ANO1: variants seen among roughly 807,000 people sequenced by gnomAD.
ANO1 encodes the protein anoctamin-1.
ANO1 carries 59 observed loss-of-function variants against 124.0 expected under a neutral mutation model. The observed-to-expected ratio is 0.48, with a 90% CI of 0.39 to 0.59. The LOEUF (loss-of-function observed/expected upper bound fraction) is 0.59, where lower values mean the gene tolerates loss of function less well. Among genes scored for constraint, ANO1 ranks in the 20% least tolerant of loss-of-function variants. ANO1 has a pLI of 0.00. For synonymous variants in ANO1, 529 were observed against 532.0 expected, an observed-to-expected ratio of 0.99 and a Z score of 0.08; for missense variants, 1,059 against 1,328.0, an observed-to-expected ratio of 0.80 and a Z score of 3.15.
chr11:70,096,867 T>A (rs538789972), intron 2 of ANO1, among the ~76,000 whole-genome samples: 8 of 150,888 alleles, frequency 5.3e-5, no homozygotes, highest in Admixed American at 6.6e-5. Flanking sequence ...TCTCAAAAAA[T>A]AATAATAATA....
chr11:69,982,024 G>T (rs891398798), upstream of ANO1, among the ~76,000 whole-genome samples: 2 of 152,184 alleles, frequency 1.3e-5, no homozygotes, highest in East Asian at 3.9e-4. Context: ...GCCAGGGACT[G>T]GGGGAGGGGG....
Position 70,095,350 on chromosome 11 carries a change from GAA to G in ANO1, c.441+7268_441+7269del, listed in dbSNP as rs770046555. On this transcript the variant is annotated intron_variant, in intron 2 of 25. Coordinates refer to ENST00000355303, the MANE Select transcript of ANO1 (RefSeq NM_018043.7). ...GAAAGAAAGGAAAGAGAAAGAAAAA[GAA>G]AGAAAGAAAGAAAGAAAGAAAGAAA... Among the ~76,000 whole-genome samples the G allele has an allele frequency of 7.6e-3, 116 of 15,268 alleles. 5 individuals carry two copies. The highest frequency in any genetic ancestry group is 0.04 in the African/African-American group (100 of 2,490). The allele number at this position is 15,268 out of a possible 152,430, so 10.0% of individuals were successfully genotyped here.
intron 1 of ANO1, among the ~76,000 whole-genome samples, chr11:70,081,295 A>G (rs1439815154): frequency 6.6e-6 from 1 of 152,166 alleles, no homozygotes; most frequent in Non-Finnish European, 1.5e-5. Flanking sequence ...GTGGTTGTCC[A>G]TGGTCTGGGA....
chr11:70,156,962 C>G lies in ANO1; in HGVS notation c.1519C>G (p.Leu507Val). 1 of 1,613,644 alleles carries G rather than the reference C, an allele frequency of 6.2e-7. No homozygotes were observed. Among genetic ancestry groups the G allele is most frequent in the Non-Finnish European group, 8.5e-7 (1 of 1,179,776 alleles). Residue 507 changes from leucine to valine, a missense_variant, in exon 16 of 26, where the codon CTG becomes GTG. Leu to Val is a conservative substitution (Grantham distance 32). Around this residue, in one of 2 missense-constraint regions of ANO1, gnomAD observed 809 missense variants for 1,094.9 expected, o/e 0.74. Coordinates refer to ENST00000355303, the MANE Select transcript of ANO1 (RefSeq NM_018043.7). ...TGTGTTGTAGACTGACAAAGTGAAG[C>G]TGACATGGAGAGATCGGTTCCCAGC... ...AGVKLTDKVK[L>V]TWRDRFPAYL...
At chr11:70,156,823 G>C in intron 15 of ANO1, 124 bp from the exon 16 acceptor site, 1 of 805,180 alleles carries the variant, frequency 1.2e-6, no homozygotes, top group South Asian at 1.7e-5. Flanking sequence ...AGGTTTTTCT[G>C]AGTATTTCTG....
At chr11:70,113,187 G>A (rs2045857470) in intron 7 of ANO1, among the ~76,000 whole-genome samples, 1 of 151,896 alleles carries the variant, frequency 6.6e-6, no homozygotes, top group Non-Finnish European at 1.5e-5. Flanking sequence ...TCCTCCCCAG[G>A]ACTAGTGGCT....
intron 1 of ANO1, among the ~76,000 whole-genome samples, chr11:70,004,539 T>G (rs1207986703): frequency 6.6e-6 from 1 of 152,156 alleles, no homozygotes; most frequent in Non-Finnish European, 1.5e-5. Context: ...AACACAGGGT[T>G]CCAGGCCACT....
At chr11:69,975,478 G>A in the ANO1 span, among the ~76,000 whole-genome samples, 1 of 152,220 alleles carries the variant, frequency 6.6e-6, no homozygotes, top group Non-Finnish European at 1.5e-5. Flanking sequence ...TCTGTACAAA[G>A]GAGGATTCTA....
In ANO1 at chr11:70,116,481, C is replaced by T. The variant is rs912614155; in HGVS notation, c.879C>T (p.Val293=). The T allele has an allele frequency of 5.0e-6, 8 of 1,597,826 alleles. No individual in the cohort carries two copies. The Admixed American group carries it at 6.9e-5, about 14-fold the overall frequency. ...AGGGAGACTACAACGGTGAAAACGT[C>T]GAGTTCAACGACAGAAAAGTAAGTT... ...LHDGDYNGEN[V]EFNDRKLLYE... is the part of the protein sequence containing the mutation. Residue 293 remains valine, a synonymous_variant, in exon 8 of 26, where the codon GTC becomes GTT. Coordinates refer to ENST00000355303, the MANE Select transcript of ANO1 (RefSeq NM_018043.7).
Position 70,082,746 on chromosome 11 carries a change from C to T in ANO1, c.108+4032C>T, listed in dbSNP as rs113616651. On this transcript the variant is annotated intron_variant, in intron 1 of 25. Transcript: ENST00000355303. ...CAATTACATCTTTGCCTTTTTGTCC[C>T]GTTCTACACAAGAAAGGCACCCACT... Among the ~76,000 whole-genome samples the T allele has an allele frequency of 5.1e-3, 768 of 151,894 alleles. 7 individuals carry two copies. Among genetic ancestry groups the T allele is most frequent in the African/African-American group, 0.018 (739 of 41,398 alleles).
At chr11:70,148,112 A>C (rs2047452067) in intron 11 of ANO1, among the ~76,000 whole-genome samples, 1 of 152,068 alleles carries the variant, frequency 6.6e-6, no homozygotes, top group Non-Finnish European at 1.5e-5. Context: ...CCAGGTTCAC[A>C]CCCATGACTT....
intron 1 of ANO1, among the ~76,000 whole-genome samples, chr11:69,991,021 T>G (rs147051028): frequency 6.6e-6 from 1 of 152,238 alleles, no homozygotes; most frequent in Non-Finnish European, 1.5e-5. Flanking sequence ...TGGAGTCATC[T>G]CTAAGAATCC....
chr11:70,120,280 G>C (rs1318677042), intron 8 of ANO1, among the ~76,000 whole-genome samples: 2 of 152,100 alleles, frequency 1.3e-5, no homozygotes, highest in Non-Finnish European at 2.9e-5. Flanking sequence ...AAACATGTAG[G>C]AGTACTTGGG....
chr11:70,006,832 G>A (rs1856500562), intron 1 of ANO1, among the ~76,000 whole-genome samples: 1 of 151,502 alleles, frequency 6.6e-6, no homozygotes, highest in Admixed American at 6.6e-5. Flanking sequence ...ACCAAGTCTG[G>A]CTAATTTTTC....
chr11:70,047,775 A>G (rs1857284116), intron 1 of ANO1, among the ~76,000 whole-genome samples: 1 of 152,266 alleles, frequency 6.6e-6, no homozygotes, highest in African/African-American at 2.4e-5. Flanking sequence ...CAATTAGAAC[A>G]GTCCCCATAG....
the ANO1 span, among the ~76,000 whole-genome samples, chr11:69,967,660 T>C: frequency 6.6e-6 from 1 of 152,212 alleles, no homozygotes; most frequent in Non-Finnish European, 1.5e-5. Flanking sequence ...CTAAATGCTG[T>C]CACGGCCCCC....
At chr11:70,000,175 G>GA (rs1281700709) in intron 1 of ANO1, among the ~76,000 whole-genome samples, 1 of 151,680 alleles carries the variant, frequency 6.6e-6, no homozygotes, top group Non-Finnish European at 1.5e-5. Context: ...GAGCCCTTGG[G>GA]AAAAAAAATG....
At chr11:70,052,605 T>G in intron 1 of ANO1, among the ~76,000 whole-genome samples, 1 of 139,688 alleles carries the variant, frequency 7.2e-6, no homozygotes, top group South Asian at 2.3e-4. Flanking sequence ...CAGGCTGGAG[T>G]GCAATGGCGC....
chr11:70,122,531 CTCTA>C (rs1268964062), intron 8 of ANO1, among the ~76,000 whole-genome samples: 2 of 150,448 alleles, frequency 1.3e-5, no homozygotes, highest in African/African-American at 4.9e-5. Context: ...CTGTCTGTCT[CTCTA>C]TCTCTGTCTC....
Sources: allele counts gnomAD v4.1 joint callset (sites outside exome capture counted in the v4.1 genomes callset), GRCh38; gene constraint gnomAD v4.1.1; regional missense constraint gnomAD v4.1.1; transcripts MANE v1.5; gene names NCBI Gene and HGNC (gene_info 2026-07-23, HGNC 2026-07-21).